ARPP21: variants seen among roughly 807,000 people sequenced by gnomAD.
The protein encoded by ARPP21 is cAMP regulated phosphoprotein 21.
In ARPP21, 69 loss-of-function variants were observed where a neutral mutation model predicts 113.2. The ratio of observed to expected loss-of-function variants is 0.61; its 90% confidence interval spans 0.50 to 0.74. The LOEUF is 0.74. Ranked by LOEUF, ARPP21 falls within the 30% of genes least tolerant of loss-of-function variation. The probability of loss-of-function intolerance (pLI) is 0.00; values close to 1 mark genes in which losing one functional copy is unlikely to be tolerated. For missense variants in ARPP21, 1,070 were observed against 1,037.4 expected (o/e 1.03, Z -0.43); for synonymous variants, 368 against 375.5 (o/e 0.98, Z 0.23).
At chr3:35,703,715 A>G (rs2149909084) in intron 9 of ARPP21, among the ~76,000 whole-genome samples, 1 of 152,014 alleles carries the variant, frequency 6.6e-6, no homozygotes, top group South Asian at 2.1e-4. Flanking sequence ...CATTGATTTA[A>G]TAAATACCAC....
At chr3:35,733,595 A>G (rs1175032903) in intron 15 of ARPP21, among the ~76,000 whole-genome samples, 1 of 152,176 alleles carries the variant, frequency 6.6e-6, no homozygotes, top group Non-Finnish European at 1.5e-5. Context: ...GCTTGTATTC[A>G]GTGTAATTGC....
intron 14 of ARPP21, among the ~76,000 whole-genome samples, chr3:35,727,332 C>G (rs998997206): frequency 1.3e-5 from 2 of 152,232 alleles, no homozygotes; most frequent in Non-Finnish European, 2.9e-5. Flanking sequence ...CTAGCTATAT[C>G]TAGCTGACCT....
At chr3:35,667,983 A>G (rs1263285952) in intron 1 of ARPP21, among the ~76,000 whole-genome samples, 5 of 146,358 alleles carry the variant, frequency 3.4e-5, no homozygotes, top group African/African-American at 1.3e-4. Context: ...AAGAAGAAGA[A>G]GAAGAAGAAG....
chr3:35,692,690 A>G (rs928064043), intron 9 of ARPP21, among the ~76,000 whole-genome samples: 1 of 151,682 alleles, frequency 6.6e-6, no homozygotes, highest in Non-Finnish European at 1.5e-5. Flanking sequence ...ATTAAGCATT[A>G]TATCAAGACT....
intron 9 of ARPP21, among the ~76,000 whole-genome samples, chr3:35,706,465 G>C (rs567703730): frequency 6.6e-6 from 1 of 152,268 alleles, no homozygotes; most frequent in East Asian, 1.9e-4. Context: ...AGATTCCAGA[G>C]CTTTCGTTAT....
chr3:35,737,459 T>G (rs1000497783), intron 16 of ARPP21, 97 bp downstream of exon 16: 3 of 764,914 alleles, frequency 3.9e-6, no homozygotes, highest in Non-Finnish European at 5.9e-6. Flanking sequence ...GCGTATATTT[T>G]ACACTCAAGC....
At chr3:35,747,359 T>TAAAAAAA (rs34264524) in intron 19 of ARPP21, among the ~76,000 whole-genome samples, 1 of 108,892 alleles carries the variant, frequency 9.2e-6, no homozygotes, top group African/African-American at 3.6e-5. Flanking sequence ...AGACTCCATC[T>TAAAAAAA]AAAAAAAAAA....
chr3:35,687,309 G>A (rs558993721), intron 5 of ARPP21, among the ~76,000 whole-genome samples: 2 of 150,430 alleles, frequency 1.3e-5, no homozygotes, highest in South Asian at 4.2e-4. Flanking sequence ...ATGATTCCTA[G>A]TATATGTCTG....
chr3:35,753,724 T>C (rs1485015315), intron 19 of ARPP21, among the ~76,000 whole-genome samples: 2 of 152,024 alleles, frequency 1.3e-5, no homozygotes, highest in Non-Finnish European at 2.9e-5. Context: ...TTAGTTTTTT[T>C]GTTCCTTCTT....
At chr3:35,789,241 G>C (rs9822191) in intron 19 of ARPP21, among the ~76,000 whole-genome samples, 4,015 of 152,260 alleles carry the variant, frequency 0.026, 179 homozygotes, top group African/African-American at 0.088. Context: ...CTCTGCCTTC[G>C]GGTGTGTTGT....
chr3:35,644,819 C>T (rs1699566583), intron 1 of ARPP21, among the ~76,000 whole-genome samples: 1 of 151,848 alleles, frequency 6.6e-6, no homozygotes, highest in South Asian at 2.1e-4. Context: ...TAATCACTGT[C>T]CATGGTCACA....
rs111309219 is a variant in ARPP21 at position 35,766,405 on chromosome 3, A to G, written c.2137+22440A>G. ...TACTTAAAAAACAAAAAAGAAGAAG[A>G]AGGAGAAGAAGCACTAACACAGAAT... On this transcript the variant is annotated intron_variant, in intron 19 of 20. Coordinates refer to ENST00000684406, the MANE Select transcript of ARPP21 (RefSeq NM_001385562.1). 1.5e-3 allele frequency among the ~76,000 whole-genome samples: 223 copies of G among 152,314 alleles called. 3 individuals are homozygous for G. The highest frequency in any genetic ancestry group is 0.014 in the Middle Eastern group (4 of 294).
Position 35,681,811 on chromosome 3 carries a change from G to A in ARPP21, c.60G>A (p.Glu20=), listed in dbSNP as rs1381413335. The A allele has an allele frequency of 1.2e-6, 2 of 1,611,736 alleles. No individual in the cohort carries two copies. The highest frequency in any genetic ancestry group is 2.7e-5 in the African/African-American group (2 of 74,762). Residue 20 remains glutamate, a synonymous_variant, in exon 3 of 21, where the codon GAG becomes GAA. Transcript: ENST00000684406. ...AIAEEGGTEQ[E]TATPENGIVK... is the part of the protein sequence containing the mutation. ...CAGAGGAAGGAGGGACTGAGCAGGA[G>A]ACGGCCACTCCAGAGAACGGCATTG...
chr3:35,767,116 C>T (rs532531732), intron 19 of ARPP21, among the ~76,000 whole-genome samples: 1 of 152,182 alleles, frequency 6.6e-6, no homozygotes, highest in South Asian at 2.1e-4. Flanking sequence ...ATGGAGAAAC[C>T]TGATGTTTTA....
At chr3:35,730,114 A>C (rs1481285209) in intron 15 of ARPP21, among the ~76,000 whole-genome samples, 1 of 152,234 alleles carries the variant, frequency 6.6e-6, no homozygotes, top group African/African-American at 2.4e-5. Context: ...TGTCAGGCTT[A>C]GACTGATTTT....
intron 16 of ARPP21, among the ~76,000 whole-genome samples, chr3:35,737,921 T>G (rs1470271263): frequency 6.6e-6 from 1 of 152,202 alleles, no homozygotes; most frequent in African/African-American, 2.4e-5. Context: ...TCATTTTAAA[T>G]TCTTGATATT....
Position 35,667,099 on chromosome 3 carries a change from C to T in ARPP21, c.-212-12688C>T, listed in dbSNP as rs184851585. On this transcript the variant is annotated intron_variant, in intron 1 of 20. Transcript: ENST00000684406. ...TTTGATATGCTTAATGTATCTATGA[C>T]TCAGCTTCCTCCACTCTAAAATGTG... 3.0e-3 allele frequency among the ~76,000 whole-genome samples: 452 copies of T among 152,298 alleles called. 2 individuals are homozygous for T. Among genetic ancestry groups the T allele is most frequent in the African/African-American group, 1.0e-2 (414 of 41,572 alleles).
chr3:35,721,371 C>T (rs1240043426), intron 13 of ARPP21, among the ~76,000 whole-genome samples: 1 of 152,136 alleles, frequency 6.6e-6, no homozygotes, highest in Admixed American at 6.5e-5. Context: ...GATCATGTAA[C>T]ATTTCTAGGT....
chr3:35,755,752 C>T (rs2095548589), intron 19 of ARPP21, among the ~76,000 whole-genome samples: 1 of 152,050 alleles, frequency 6.6e-6, no homozygotes, highest in South Asian at 2.1e-4. Flanking sequence ...TGAAGAGCAT[C>T]TTAAGTAGTG....
Sources: gnomAD v4.1 joint callset for allele counts (sites outside exome capture counted in the v4.1 genomes callset) on GRCh38, gnomAD v4.1.1 for gene constraint, MANE v1.5 for transcripts, NCBI Gene and HGNC (gene_info 2026-07-23, HGNC 2026-07-21) for gene names.